The following F2R variants were observed in gnomAD, a reference collection of about 807,000 sequenced individuals.
F2R encodes coagulation factor II thrombin receptor.
In F2R, 12 loss-of-function variants were observed where a neutral mutation model predicts 18.3. The observed-to-expected ratio is 0.66, with a 90% confidence interval of 0.42 to 1.06. F2R has a LOEUF of 1.06. Among genes scored for constraint, F2R ranks in the 50% least tolerant of loss-of-function variants. F2R has a pLI of 0.00. For missense variants in F2R, 438 were observed against 530.8 expected (o/e 0.83, Z 1.72); for synonymous variants, 210 against 219.9 (o/e 0.95, Z 0.40).
chr5:76,733,319 G>A lies in F2R; in HGVS notation c.1094G>A (p.Cys365Tyr). ...GTCTGTGTCAGCAGCATAAGCTGCT[G>A]CATCGACCCCCTAATTTACTATTAC... ...LCVCVSSISCCIDPLIYYYAS... is the reference protein window; with the variant it reads ...LCVCVSSISCYIDPLIYYYAS... Residue 365 changes from cysteine (C) to tyrosine (Y), a missense_variant, in exon 2 of 2, where the codon TGC becomes TAC. By Grantham distance (194) the Cys-to-Tyr change is radical. Coordinates refer to ENST00000319211, the MANE Select transcript of F2R (RefSeq NM_001992.5). 6.2e-7 allele frequency: 1 copy of A among 1,614,210 alleles called. No homozygotes were observed. The highest frequency in any genetic ancestry group is 8.5e-7 in the Non-Finnish European group (1 of 1,180,046).
chr5:76,728,286 A>G (rs541454397), intron 1 of F2R, among the ~76,000 whole-genome samples: 2 of 152,164 alleles, frequency 1.3e-5, no homozygotes, highest in Admixed American at 1.3e-4. Context: ...AGATTTTTCT[A>G]ACTAATTCCT....
intron 1 of F2R, among the ~76,000 whole-genome samples, chr5:76,717,530 T>G (rs1423550671): frequency 6.6e-6 from 1 of 152,140 alleles, no homozygotes; most frequent in South Asian, 2.1e-4. Context: ...CCTCTCTGTC[T>G]TTGTTCAGGG....
At chr5:76,719,524 G>A (rs187764901) in intron 1 of F2R, among the ~76,000 whole-genome samples, 147 of 152,240 alleles carry the variant, frequency 9.7e-4, no homozygotes, top group African/African-American at 3.4e-3. Context: ...GGAAGGCAGA[G>A]GTTGCAGGGA....
chr5:76,733,588 T>A lies in F2R; in HGVS notation c.*85T>A, dbSNP rs140665593. On this transcript the variant is annotated 3_prime_UTR_variant, in exon 2 of 2. Transcript: ENST00000319211. Reference sequence around the variant, plus strand: ...TCTATTAGTCCCCACCCAAACTTTATTGATTCACCTCCTAAAACAACAGAT... The same window carrying A: ...TCTATTAGTCCCCACCCAAACTTTAATGATTCACCTCCTAAAACAACAGAT... 1.9e-6 allele frequency: 2 copies of A among 1,046,426 alleles called. No individual in the cohort carries two copies. The highest frequency in any genetic ancestry group is 2.7e-6 in the Non-Finnish European group (2 of 734,670). The allele number at this position is 1,046,426 out of a possible 1,614,324, so 64.8% of individuals were successfully genotyped here.
Position 76,716,263 on chromosome 5 carries a change from A to C in F2R, c.-45A>C, listed in dbSNP as rs1223293035. The stretch of plus-strand genomic sequence containing the variant: ...AGAGAGGGTGAAGCGGAGCAGCCCG[A>C]GGCGGGGCAGCCTCCCGGAGCAGCG... On this transcript the variant is annotated 5_prime_UTR_variant, in exon 1 of 2. Transcript: ENST00000319211. 3 of 1,321,526 alleles carry C rather than the reference A, an allele frequency of 2.3e-6. No individual in the cohort carries two copies. The highest frequency in any genetic ancestry group is 2.9e-6 in the Non-Finnish European group (3 of 1,035,450). The allele number at this position is 1,321,526 out of a possible 1,614,324, so 81.9% of individuals were successfully genotyped here. A position where few individuals can be genotyped will look rare whatever the true frequency, so the allele number is the denominator to read the frequency against.
chr5:76,732,220 T>A, intron 1 of F2R, 94 bp from the exon 2 acceptor site: 1 of 990,638 alleles, frequency 1.0e-6, no homozygotes, highest in Non-Finnish European at 1.5e-6. Flanking sequence ...TAAGAAAACA[T>A]AAACAAAAGT....
chr5:76,732,824 G>A lies in F2R; in HGVS notation c.599G>A (p.Arg200Gln). ...ILLMTVISID[R>Q]FLAVVYPMQS... Reference sequence around the variant, plus strand: ...CTCATGACAGTCATAAGCATTGACCGGTTTCTGGCTGTGGTGTATCCCATG... The same window carrying A: ...CTCATGACAGTCATAAGCATTGACCAGTTTCTGGCTGTGGTGTATCCCATG... The change falls in exon 2 of 2, where the codon CGG (arginine) becomes CAG (glutamine). Residue 200 changes from arginine to glutamine, a missense_variant. Physicochemically the swap from Arg to Gln is conservative, Grantham distance 43 (BLOSUM62 1). Coordinates refer to ENST00000319211, the MANE Select transcript of F2R (RefSeq NM_001992.5). The A allele has an allele frequency of 6.2e-7, 1 of 1,614,164 alleles. No homozygotes were observed. The highest frequency in any genetic ancestry group is 8.5e-7 in the Non-Finnish European group (1 of 1,180,040).
intron 1 of F2R, among the ~76,000 whole-genome samples, chr5:76,722,107 T>C (rs1748471680): frequency 6.6e-6 from 1 of 152,224 alleles, no homozygotes; most frequent in Non-Finnish European, 1.5e-5. Context: ...TGAGTTCAGA[T>C]ATACAGACTG....
intron 1 of F2R, among the ~76,000 whole-genome samples, chr5:76,718,848 A>T (rs1380433377): frequency 1.3e-5 from 2 of 152,322 alleles, no homozygotes; most frequent in East Asian, 3.9e-4. Flanking sequence ...GCTGGTGGTG[A>T]CTATGACAGA....
intron 1 of F2R, among the ~76,000 whole-genome samples, chr5:76,728,833 G>A (rs1405553477): frequency 6.6e-6 from 1 of 152,008 alleles, no homozygotes. Flanking sequence ...TGGGATTATA[G>A]GTATGCGCTA....
intron 1 of F2R, among the ~76,000 whole-genome samples, chr5:76,726,394 G>A (rs867087774): frequency 5.9e-5 from 9 of 152,124 alleles, no homozygotes; most frequent in African/African-American, 9.7e-5. Context: ...AGCCGGGCGC[G>A]GTGGCAGGCA....
In F2R at chr5:76,733,692, G is replaced by C. The variant is rs919455506; in HGVS notation, c.*189G>C. 2 of 582,124 alleles carry C rather than the reference G, an allele frequency of 3.4e-6. No individual in the cohort carries two copies. Among genetic ancestry groups the C allele is most frequent in the African/African-American group, 3.7e-5 (2 of 53,608 alleles). 36.1% of individuals were successfully genotyped at this position (582,124 alleles called of 1,614,324 possible). On this transcript the variant is annotated 3_prime_UTR_variant, in exon 2 of 2. Transcript: ENST00000319211. The stretch of plus-strand genomic sequence containing the variant: ...AATTACCAGAAAGATAACAGGACGA[G>C]ATGACGGTGTTATTCCAAGGGAATA...
intron 1 of F2R, among the ~76,000 whole-genome samples, chr5:76,730,509 T>C (rs2227793): frequency 5.1e-4 from 77 of 152,350 alleles, no homozygotes; most frequent in African/African-American, 1.7e-3. Flanking sequence ...TACCCAGCAC[T>C]TCACTCAATC....
At chr5:76,726,506 C>T (rs1316186585) in intron 1 of F2R, among the ~76,000 whole-genome samples, 5 of 150,992 alleles carry the variant, frequency 3.3e-5, no homozygotes, top group South Asian at 2.1e-4. Context: ...CACTGCAGTC[C>T]GGCCTGGGCG....
intron 1 of F2R, among the ~76,000 whole-genome samples, chr5:76,728,685 CTTTTTTTTTTT>C (rs763418437): frequency 2.5e-4 from 23 of 90,510 alleles, no homozygotes; most frequent in East Asian, 3.5e-4. Context: ...ACATCCTGGT[CTTTTTTTTTTT>C]TTTTTTTTTT....
intron 1 of F2R, among the ~76,000 whole-genome samples, chr5:76,726,572 G>A (rs374594794): frequency 3.3e-5 from 5 of 151,672 alleles, no homozygotes; most frequent in Non-Finnish European, 7.4e-5. Flanking sequence ...ATGGCGGTGC[G>A]TGCTTGTAAT....
At chr5:76,728,685 CTTTTTT>C (rs763418437) in intron 1 of F2R, among the ~76,000 whole-genome samples, 2 of 90,510 alleles carry the variant, frequency 2.2e-5, no homozygotes, top group East Asian at 3.5e-4. Context: ...ACATCCTGGT[CTTTTTT>C]TTTTTTTTTT....
chr5:76,733,744 T>C lies in F2R; in HGVS notation c.*241T>C. On this transcript the variant is annotated 3_prime_UTR_variant, in exon 2 of 2. Transcript: ENST00000319211. The stretch of plus-strand genomic sequence containing the variant: ...TGCCAATGCTACAGTAATAAATGAA[T>C]GTCACTTCTGGATATAGCTAGGTGA... 2 of 512,096 alleles carry C rather than the reference T, an allele frequency of 3.9e-6. No homozygotes were observed. Among genetic ancestry groups the C allele is most frequent in the South Asian group, 2.3e-5 (1 of 42,866 alleles). 31.7% of individuals were successfully genotyped at this position (512,096 alleles called of 1,614,324 possible).
intron 1 of F2R, among the ~76,000 whole-genome samples, chr5:76,718,875 A>G (rs1156777895): frequency 6.6e-6 from 1 of 152,178 alleles, no homozygotes; most frequent in Non-Finnish European, 1.5e-5. Context: ...TTGGTGGGCA[A>G]TTCCACTTGC....
Sources: gnomAD v4.1 joint callset for allele counts (sites outside exome capture counted in the v4.1 genomes callset) on GRCh38, gnomAD v4.1.1 for gene constraint, MANE v1.5 for transcripts, NCBI Gene and HGNC (gene_info 2026-07-23, HGNC 2026-07-21) for gene names.